The following LMAN1 variants were observed in gnomAD, a reference collection of about 807,000 sequenced individuals.
The protein encoded by LMAN1 is lectin, mannose binding 1.
Under a neutral mutation model 67.8 loss-of-function variants are expected in LMAN1, and 32 were observed. That is an observed-to-expected ratio of 0.47 (90% CI 0.36 to 0.63). The LOEUF (loss-of-function observed/expected upper bound fraction) is 0.63. Among genes scored for constraint, LMAN1 ranks in the 30% least tolerant of loss-of-function variants. The pLI is 0.00. For missense variants in LMAN1, 632 were observed against 628.2 expected, an observed-to-expected ratio of 1.01 and a Z score of -0.06; for synonymous variants, 235 against 219.3, an observed-to-expected ratio of 1.07 and a Z score of -0.63.
intron 8 of LMAN1, among the ~76,000 whole-genome samples, chr18:59,341,533 C>G (rs949805660): frequency 3.3e-5 from 5 of 152,066 alleles, no homozygotes; most frequent in Non-Finnish European, 2.9e-5. Context: ...ATCTAGAAAT[C>G]AATACTAAGA....
intron 8 of LMAN1, 52 bp downstream of exon 8, chr18:59,345,867 C>G: frequency 1.9e-6 from 3 of 1,610,126 alleles, no homozygotes; most frequent in Non-Finnish European, 2.5e-6. Context: ...CGTCCATGAT[C>G]AACAGCCTCA....
chr18:59,350,803 T>TTTTTAAAGGACG (rs1320781881), intron 5 of LMAN1, among the ~76,000 whole-genome samples: 1 of 152,158 alleles, frequency 6.6e-6, no homozygotes, highest in Non-Finnish European at 1.5e-5. Flanking sequence ...CCCCAATTTT[T>TTTTTAAAGGACG]TTTTAAAGGA....
chr18:59,332,664 C>A (rs192803293), intron 11 of LMAN1, among the ~76,000 whole-genome samples: 63 of 152,136 alleles, frequency 4.1e-4, no homozygotes, highest in Non-Finnish European at 6.9e-4. Context: ...TAGAAGACAA[C>A]CAGCAGAGTC....
Position 59,359,023 on chromosome 18 carries a change from C to G in LMAN1, c.214+8G>C, listed in dbSNP as rs746600380. On this transcript the variant is annotated splice_region_variant and intron_variant, in intron 1 of 12. Coordinates refer to ENST00000251047, the MANE Select transcript of LMAN1 (RefSeq NM_005570.4). The stretch of plus-strand genomic sequence containing the variant: ...GAACCCGGCCCCCAGCCCTCTGCTC[C>G]GGCTTACTCCCCGCGTGGGCCCAGA... The G allele has an allele frequency of 1.9e-6, 3 of 1,613,358 alleles. No homozygotes were observed. Among genetic ancestry groups the G allele is most frequent in the African/African-American group, 2.7e-5 (2 of 74,908 alleles).
intron 6 of LMAN1, among the ~76,000 whole-genome samples, chr18:59,348,629 G>GT (rs567732436): frequency 2.5e-4 from 38 of 152,288 alleles, no homozygotes; most frequent in Non-Finnish European, 4.3e-4. Context: ...GAAAAAAATG[G>GT]TAACTATGGT....
In LMAN1 at chr18:59,335,229, T is replaced by A. The variant is rs529586619; in HGVS notation, c.1221-1985A>T. 1.6e-4 allele frequency among the ~76,000 whole-genome samples: 24 copies of A among 151,348 alleles called. No individual in the cohort carries two copies. The South Asian group carries it at 5.0e-3, about 32-fold the overall frequency. On this transcript the variant is annotated intron_variant, in intron 10 of 12. Transcript: ENST00000251047. ...CGCGTGGATCACCTGAGGTCAGGAG[T>A]TCGAGACCAGCCTGGCCAACATGGA...
At chr18:59,337,865 C>A (rs1173478725) in intron 10 of LMAN1, among the ~76,000 whole-genome samples, 1 of 152,314 alleles carries the variant, frequency 6.6e-6, no homozygotes, top group East Asian at 1.9e-4. Context: ...AAAGAACTCA[C>A]CTTGACATTC....
At chr18:59,350,645 C>T (rs1908522987) in intron 5 of LMAN1, among the ~76,000 whole-genome samples, 1 of 152,282 alleles carries the variant, frequency 6.6e-6, no homozygotes, top group Admixed American at 6.5e-5. Context: ...CAGGCTCCCG[C>T]CACAAAGCCT....
chr18:59,354,508 C>A lies in LMAN1; in HGVS notation c.539+11G>T, dbSNP rs1568118352. The A allele has an allele frequency of 1.9e-6, 2 of 1,031,348 alleles. No individual in the cohort carries two copies. The highest frequency in any genetic ancestry group is 2.8e-6 in the Non-Finnish European group (2 of 708,828). 63.9% of individuals were successfully genotyped at this position (1,031,348 alleles called of 1,614,324 possible). A position where few individuals can be genotyped will look rare whatever the true frequency, so the allele number is the denominator to read the frequency against. On this transcript the variant is annotated intron_variant, in intron 4 of 12. Coordinates refer to ENST00000251047, the MANE Select transcript of LMAN1 (RefSeq NM_005570.4). Reference sequence around the variant, plus strand: ...CTGAAATCAGGAGTAATGTAAAAAACACACACTTACTTTTGATGGTCATAA... The same window carrying A: ...CTGAAATCAGGAGTAATGTAAAAAAAACACACTTACTTTTGATGGTCATAA...
In LMAN1 at chr18:59,345,528, C is replaced by T. The variant is rs1908379874; in HGVS notation, c.955+391G>A. The stretch of plus-strand genomic sequence containing the variant: ...ATGTGTCACTAAAACCAAAAATATA[C>T]ACTTTTGATGATTTCAGTCAAAAAA... On this transcript the variant is annotated intron_variant, in intron 8 of 12. Transcript: ENST00000251047. Among the ~76,000 whole-genome samples the T allele has an allele frequency of 2.0e-5, 3 of 152,162 alleles. No homozygotes were observed. In the South Asian group the frequency reaches 6.2e-4, roughly 31 times the overall value.
Position 59,359,231 on chromosome 18 carries a change from C to G in LMAN1, c.14G>C (p.Arg5Thr). The change falls in exon 1 of 13, where the codon AGG becomes ACG. Residue 5 changes from arginine to threonine, a missense_variant. Transcript: ENST00000251047. ...AACTCTGGCCCGGAGACCCCTTTGC[C>G]TGGATCCCGCCATCTTGGATTCTGG... The part of the protein sequence containing the change: MAGS[R>T]QRGLRARVRP... 1.2e-6 allele frequency: 2 copies of G among 1,613,816 alleles called. No homozygotes were observed. The highest frequency in any genetic ancestry group is 1.7e-6 in the Non-Finnish European group (2 of 1,179,800).
intron 8 of LMAN1, among the ~76,000 whole-genome samples, chr18:59,340,087 A>G (rs927132069): frequency 6.6e-6 from 1 of 152,142 alleles, no homozygotes; most frequent in Admixed American, 6.5e-5. Flanking sequence ...ACACCTGACT[A>G]GGAAGGGCCC....
intron 1 of LMAN1, among the ~76,000 whole-genome samples, chr18:59,358,402 C>T (rs1182271472): frequency 6.6e-6 from 1 of 152,164 alleles, no homozygotes; most frequent in Non-Finnish European, 1.5e-5. Flanking sequence ...TCAAAGACCA[C>T]ACCAAGTCAC....
intron 1 of LMAN1, among the ~76,000 whole-genome samples, chr18:59,356,897 C>A (rs901775000): frequency 6.6e-6 from 1 of 152,146 alleles, no homozygotes; most frequent in Admixed American, 6.5e-5. Context: ...TACAAATTAT[C>A]ATTTTTTGCC....
chr18:59,359,038 G>A lies in LMAN1; in HGVS notation c.207C>T (p.His69=). 1 of 1,613,862 alleles carries A rather than the reference G, an allele frequency of 6.2e-7. No homozygotes were observed. The highest frequency in any genetic ancestry group is 8.5e-7 in the Non-Finnish European group (1 of 1,179,922). The change falls in exon 1 of 13, where the codon CAC becomes CAT. Residue 69 remains histidine (H), a synonymous_variant. Coordinates refer to ENST00000251047, the MANE Select transcript of LMAN1 (RefSeq NM_005570.4). ...QSDGTVPFWA[H]AGNAIPSSDQ... ...CCCTCTGCTCCGGCTTACTCCCCGCGTGGGCCCAGAAGGGCACGGTCCCGT... is the reference window on the plus strand; with the variant it reads ...CCCTCTGCTCCGGCTTACTCCCCGCATGGGCCCAGAAGGGCACGGTCCCGT...
intron 1 of LMAN1, among the ~76,000 whole-genome samples, chr18:59,356,159 C>T (rs1908656748): frequency 6.6e-6 from 1 of 152,096 alleles, no homozygotes; most frequent in Non-Finnish European, 1.5e-5. Context: ...AGGAGCTAGG[C>T]TCGATCACTT....
At chr18:59,347,741 C>T (rs1908451800) in intron 6 of LMAN1, among the ~76,000 whole-genome samples, 170 bp from the exon 7 acceptor site, 2 of 152,186 alleles carry the variant, frequency 1.3e-5, no homozygotes, top group African/African-American at 4.8e-5. Context: ...AGCTTAGAGA[C>T]CAAAATTCAC....
Position 59,347,511 on chromosome 18 carries a change from A to C in LMAN1, c.822+2T>G. 6.2e-7 allele frequency: 1 copy of C among 1,607,580 alleles called. No individual in the cohort carries two copies. Among genetic ancestry groups the C allele is most frequent in the Non-Finnish European group, 8.5e-7 (1 of 1,175,354 alleles). On this transcript the variant is annotated splice_donor_variant, in intron 7 of 12. Transcript: ENST00000251047. LOFTEE classifies it high-confidence loss of function. Reference sequence around the variant, plus strand: ...AGTTTTTGAAAATATGTGTAAAATTACCGGCTCTTTTCCAGGTTCAGTCAA... The same window carrying C: ...AGTTTTTGAAAATATGTGTAAAATTCCCGGCTCTTTTCCAGGTTCAGTCAA...
rs748400700 is a variant in LMAN1 at position 59,331,406 on chromosome 18, C to G, written c.1496+12G>C. 3 of 1,603,540 alleles carry G rather than the reference C, an allele frequency of 1.9e-6. No homozygotes were observed. The highest frequency in any genetic ancestry group is 2.6e-6 in the Non-Finnish European group (3 of 1,170,954). ...AGAAAAATATTGGGTCACATTTTAT[C>G]AAGAGACTTACCTATACATGATATA... On this transcript the variant is annotated intron_variant, in intron 12 of 12. Transcript: ENST00000251047.
Sources: allele counts gnomAD v4.1 joint callset (sites outside exome capture counted in the v4.1 genomes callset), GRCh38; gene constraint gnomAD v4.1.1; transcripts MANE v1.5; gene names NCBI Gene and HGNC (gene_info 2026-07-23, HGNC 2026-07-21).